DIAPH2: variants seen among roughly 807,000 people sequenced by gnomAD.
The protein encoded by DIAPH2 is diaphanous related formin 2.
Under a neutral mutation model 92.7 loss-of-function variants are expected in DIAPH2, and 35 were observed. That is an observed-to-expected ratio of 0.38 (90% CI 0.29 to 0.50). The LOEUF (loss-of-function observed/expected upper bound fraction) is 0.50, where lower values mean the gene tolerates loss of function less well. DIAPH2 is among the 20% of genes least tolerant of loss of function. DIAPH2 has a pLI of 0.94. For synonymous variants in DIAPH2, 301 were observed against 280.4 expected (o/e 1.07, Z -0.73); for missense variants, 701 against 819.5 (o/e 0.86, Z 1.77).
intron 4 of DIAPH2, among the ~76,000 whole-genome samples, chrX:96,869,551 T>TGCTACC (rs1556262296): frequency 1.4e-5 from 1 of 69,961 alleles, no homozygotes; most frequent in Non-Finnish European, 2.6e-5. Context: ...ATACTGCTAC[T>TGCTACC]ACTACCACTA....
chrX:97,545,535 T>A (rs6523094), intron 26 of DIAPH2, among the ~76,000 whole-genome samples: 2,256 of 70,524 alleles, frequency 0.032, 95 homozygotes, highest in African/African-American at 0.13. Context: ...AAAAAAAAAA[T>A]ATATATATAT....
Position 96,735,918 on chromosome X carries a change from G to A in DIAPH2, c.165+128G>A, listed in dbSNP as rs2064084807. On this transcript the variant is annotated intron_variant, in intron 2 of 26. Coordinates refer to ENST00000324765, the MANE Select transcript of DIAPH2 (RefSeq NM_006729.5). ...GGATATTTACAAAGTATAGTAGAAT[G>A]GAATAATTGTCAATTCAGTGACTTC... The A allele has an allele frequency of 1.5e-5, 6 of 392,020 alleles. No homozygotes were observed. In the South Asian group the frequency reaches 3.9e-4, roughly 26 times the overall value. The allele number at this position is 392,020 out of a possible 1,213,427, so 32.3% of individuals were successfully genotyped here.
At chrX:96,743,212 T>G (rs1200994728) in intron 3 of DIAPH2, among the ~76,000 whole-genome samples, 1 of 112,124 alleles carries the variant, frequency 8.9e-6, no homozygotes, top group African/African-American at 3.2e-5. Context: ...TGAAATAGGA[T>G]ATTAAGAAAA....
At chrX:97,195,767 A>G (rs1238350646) in intron 22 of DIAPH2, among the ~76,000 whole-genome samples, 1 of 109,917 alleles carries the variant, frequency 9.1e-6, no homozygotes, top group Non-Finnish European at 1.9e-5. Flanking sequence ...ATGTTGAAAT[A>G]TTCTGTTCGA....
At chrX:97,309,193 T>C (rs771534179) in intron 23 of DIAPH2, among the ~76,000 whole-genome samples, 1 of 108,705 alleles carries the variant, frequency 9.2e-6, no homozygotes, top group East Asian at 3.0e-4. Flanking sequence ...ATCTGCCTCC[T>C]GGGTTCAAGC....
chrX:97,185,353 G>GTGTATATATATATGTATATATA (rs2067577012), intron 22 of DIAPH2, among the ~76,000 whole-genome samples: 1 of 18,399 alleles, frequency 5.4e-5, no homozygotes, highest in Non-Finnish European at 7.1e-5. Flanking sequence ...ATATATATAT[G>GTGTATATATATATGTATATATA]TGTGTATATA....
At chrX:97,061,220 G>A (rs184423945) in intron 17 of DIAPH2, among the ~76,000 whole-genome samples, 4 of 111,836 alleles carry the variant, frequency 3.6e-5, no homozygotes, top group Non-Finnish European at 7.5e-5. Flanking sequence ...TCAGGAATGT[G>A]CACTTTCAGT....
chrX:97,518,258 A>G (rs189059573), intron 26 of DIAPH2, among the ~76,000 whole-genome samples: 2 of 111,680 alleles, frequency 1.8e-5, no homozygotes, highest in East Asian at 5.6e-4. Flanking sequence ...GCAGTATGAG[A>G]TAAACTTACA....
intron 4 of DIAPH2, among the ~76,000 whole-genome samples, chrX:96,814,385 A>G (rs1438974247): frequency 9.0e-6 from 1 of 111,623 alleles, no homozygotes; most frequent in Non-Finnish European, 1.9e-5. Context: ...CAGGTCATTT[A>G]AGGTCTTCTC....
chrX:97,165,935 T>A (rs1268234615), intron 22 of DIAPH2, among the ~76,000 whole-genome samples: 1 of 111,350 alleles, frequency 9.0e-6, no homozygotes, highest in East Asian at 2.8e-4. Flanking sequence ...CTCCTCTTTT[T>A]TTCTTTCTCT....
At chrX:97,199,627 A>G (rs2067731536) in intron 22 of DIAPH2, among the ~76,000 whole-genome samples, 1 of 111,822 alleles carries the variant, frequency 8.9e-6, no homozygotes, top group African/African-American at 3.2e-5. Context: ...AAAACTTTCC[A>G]TATACCAACT....
At position 97,458,081 on chromosome X, in the gene DIAPH2, G is replaced by C. The variant is rs1252784188; in HGVS notation, c.3241+28336G>C. 3.6e-5 allele frequency among the ~76,000 whole-genome samples: 4 copies of C among 111,091 alleles called. No homozygotes were observed. The East Asian group carries it at 1.1e-3, about 31-fold the overall frequency. Reference sequence around the variant, plus strand: ...CAGTGCATTCTGTATCCTAGTCTTGGAAGTGATATAACAATACTTCTGTCA... The same window carrying C: ...CAGTGCATTCTGTATCCTAGTCTTGCAAGTGATATAACAATACTTCTGTCA... On this transcript the variant is annotated intron_variant, in intron 26 of 26. Coordinates refer to ENST00000324765, the MANE Select transcript of DIAPH2 (RefSeq NM_006729.5).
intron 17 of DIAPH2, among the ~76,000 whole-genome samples, chrX:97,016,906 G>A (rs548299600): frequency 1.8e-5 from 2 of 112,095 alleles, no homozygotes; most frequent in South Asian, 7.4e-4. Context: ...TCAGTTTCAC[G>A]GAGAAACGTG....
intron 17 of DIAPH2, among the ~76,000 whole-genome samples, chrX:97,017,783 C>G (rs1187640326): frequency 8.9e-6 from 1 of 111,794 alleles, no homozygotes; most frequent in East Asian, 2.8e-4. Flanking sequence ...AAGAAATTAC[C>G]TGACTGCCCT....
At chrX:96,891,609 C>T (rs907522749) in intron 5 of DIAPH2, among the ~76,000 whole-genome samples, 3 of 112,135 alleles carry the variant, frequency 2.7e-5, no homozygotes, top group African/African-American at 3.2e-5. Context: ...CAAAGAAATA[C>T]GTAGCAATAG....
chrX:96,794,113 G>A (rs1441895248), intron 4 of DIAPH2, among the ~76,000 whole-genome samples: 1 of 111,651 alleles, frequency 9.0e-6, no homozygotes, highest in Non-Finnish European at 1.9e-5. Context: ...ATGCTTCATA[G>A]ATGGCACCAT....
chrX:97,516,310 A>C (rs749210695), intron 26 of DIAPH2, among the ~76,000 whole-genome samples: 11 of 112,086 alleles, frequency 9.8e-5, no homozygotes, highest in African/African-American at 3.6e-4. Flanking sequence ...CTCCATCAAT[A>C]GGTATTTACT....
intron 4 of DIAPH2, among the ~76,000 whole-genome samples, chrX:96,766,213 G>A (rs1435665544): frequency 9.6e-6 from 1 of 104,003 alleles, no homozygotes; most frequent in African/African-American, 3.5e-5. Flanking sequence ...TATATGTAGT[G>A]TATATATATA....
At chrX:96,845,160 A>G (rs2064963118) in intron 4 of DIAPH2, among the ~76,000 whole-genome samples, 1 of 111,635 alleles carries the variant, frequency 9.0e-6, no homozygotes, top group Admixed American at 9.5e-5. Context: ...AAAACACTGT[A>G]AATATTTTAA....
Sources: allele counts gnomAD v4.1 joint callset (sites outside exome capture counted in the v4.1 genomes callset), GRCh38; gene constraint gnomAD v4.1.1; transcripts MANE v1.5; gene names NCBI Gene and HGNC (gene_info 2026-07-23, HGNC 2026-07-21).